Variants in TMOD3 observed in about 807,000 individuals in gnomAD.
TMOD3 encodes tropomodulin-3.
Under a neutral mutation model 39.2 loss-of-function variants are expected in TMOD3, and 20 were observed. The observed-to-expected ratio is 0.51, with a 90% confidence interval of 0.36 to 0.74. The LOEUF is 0.74. TMOD3 is among the 30% of genes least tolerant of loss of function. The pLI is 0.00. For missense variants in TMOD3, 381 were observed against 412.8 expected, an observed-to-expected ratio of 0.92 and a Z score of 0.67; for synonymous variants, 143 against 145.8, an observed-to-expected ratio of 0.98 and a Z score of 0.14.
intron 9 of TMOD3, 115 bp downstream of exon 9, chr15:51,902,151 T>G: frequency 1.6e-6 from 2 of 1,256,464 alleles, no homozygotes; most frequent in Non-Finnish European, 2.2e-6. Context: ...CCTTTGTTTC[T>G]AAAATCTGCA....
At chr15:51,865,946 CT>C (rs1012911447) in intron 2 of TMOD3, among the ~76,000 whole-genome samples, 139 of 151,968 alleles carry the variant, frequency 9.1e-4, no homozygotes, top group Middle Eastern at 3.4e-3. Context: ...CTAGGAAGAG[CT>C]TTTTTTCCCC....
At chr15:51,862,623 C>T (rs1005808058) in intron 1 of TMOD3, among the ~76,000 whole-genome samples, 188 bp from the exon 2 acceptor site, 4 of 151,496 alleles carry the variant, frequency 2.6e-5, no homozygotes, top group African/African-American at 9.7e-5. Flanking sequence ...CTCTTTTTTC[C>T]TGGTTGATTT....
At chr15:51,835,474 A>G (rs2056278025) in intron 1 of TMOD3, among the ~76,000 whole-genome samples, 1 of 152,060 alleles carries the variant, frequency 6.6e-6, no homozygotes, top group African/African-American at 2.4e-5. Context: ...ATAACTGGCT[A>G]ATTTTTGTAT....
chr15:51,836,984 G>A (rs2056287912), intron 1 of TMOD3, among the ~76,000 whole-genome samples: 1 of 151,984 alleles, frequency 6.6e-6, no homozygotes, highest in Non-Finnish European at 1.5e-5. Context: ...ATCATGATAA[G>A]TACATACAAG....
rs1394092583 is a variant in TMOD3, at chr15:51,915,459, A to T, written c.*6649A>T. ...AAATTACCTTTCTAACAATCATTTGAATGTCATTCATTGTCACATGAAATC... is the reference window on the plus strand; with the variant it reads ...AAATTACCTTTCTAACAATCATTTGTATGTCATTCATTGTCACATGAAATC... On this transcript the variant is annotated 3_prime_UTR_variant, in exon 10 of 10. Coordinates refer to ENST00000308580, the MANE Select transcript of TMOD3 (RefSeq NM_014547.5). 6.6e-6 allele frequency: 1 copy of T among 152,202 alleles called. No individual in the cohort carries two copies. The highest frequency in any genetic ancestry group is 1.5e-5 in the Non-Finnish European group (1 of 68,036). 9.4% of individuals were successfully genotyped at this position (152,202 alleles called of 1,614,324 possible). A position where few individuals can be genotyped will look rare whatever the true frequency, so the allele number is the denominator to read the frequency against.
chr15:51,870,671 A>T (rs1403077967), intron 3 of TMOD3, among the ~76,000 whole-genome samples: 1 of 152,054 alleles, frequency 6.6e-6, no homozygotes, highest in Non-Finnish European at 1.5e-5. Context: ...ACTTTTCTAA[A>T]ATTATCCATC....
At chr15:51,867,942 C>T (rs1017203867) in intron 2 of TMOD3, among the ~76,000 whole-genome samples, 5 of 152,166 alleles carry the variant, frequency 3.3e-5, no homozygotes, top group African/African-American at 9.7e-5. Flanking sequence ...TCAGTCCATG[C>T]GCTCAAAAAG....
Position 51,896,515 on chromosome 15 carries a change from C to T in TMOD3, c.724C>T (p.Pro242Ser). The T allele has an allele frequency of 6.2e-7, 1 of 1,612,586 alleles. No individual in the cohort carries two copies. Among genetic ancestry groups the T allele is most frequent in the Admixed American group, 1.7e-5 (1 of 59,906 alleles). The change falls in exon 7 of 10, where the codon CCT becomes TCT. Residue 242 changes from proline (P) to serine (S), a missense_variant. Physicochemically the swap from Pro to Ser is moderately conservative, Grantham distance 74. Coordinates refer to ENST00000308580, the MANE Select transcript of TMOD3 (RefSeq NM_014547.5). ...FSLAATRSNDPVATAFAEMLK... is the reference protein window; with the variant it reads ...FSLAATRSNDSVATAFAEMLK... ...TCTTGCAGCCACCCGGAGCAATGAC[C>T]CTGTTGCTACTGTAAGTAAGCGACT...
Position 51,893,949 on chromosome 15 carries a change from A to G in TMOD3, c.627+4A>G, listed in dbSNP as rs372155776. 2.8e-5 allele frequency: 45 copies of G among 1,596,560 alleles called. No homozygotes were observed. The highest frequency in any genetic ancestry group is 3.6e-5 in the Non-Finnish European group (42 of 1,168,768). On this transcript the variant is annotated splice_donor_region_variant and intron_variant, in intron 6 of 9. Coordinates refer to ENST00000308580, the MANE Select transcript of TMOD3 (RefSeq NM_014547.5). The stretch of plus-strand genomic sequence containing the variant: ...AGTTAATTTGAATAATATAAAGGTA[A>G]GTGTGCTAATCAGAGTGGTTTTGTA...
chr15:51,876,602 C>T (rs1182406475), intron 3 of TMOD3, among the ~76,000 whole-genome samples: 2 of 151,928 alleles, frequency 1.3e-5, no homozygotes, highest in African/African-American at 4.8e-5. Context: ...GCTGGGACTA[C>T]AGGCACCTGC....
intron 1 of TMOD3, among the ~76,000 whole-genome samples, chr15:51,846,002 A>G (rs1481064337): frequency 6.6e-6 from 1 of 151,940 alleles, no homozygotes; most frequent in African/African-American, 2.4e-5. Context: ...AAGACTGAAG[A>G]TTTTTCCATT....
At chr15:51,863,608 A>G (rs757292392) in intron 2 of TMOD3, among the ~76,000 whole-genome samples, 1 of 152,250 alleles carries the variant, frequency 6.6e-6, no homozygotes, top group Non-Finnish European at 1.5e-5. Context: ...ATAGACACCC[A>G]TGACCCTTGA....
At chr15:51,900,073 A>C in intron 7 of TMOD3, 82 bp from the exon 8 acceptor site, 1 of 1,124,050 alleles carries the variant, frequency 8.9e-7, no homozygotes, top group East Asian at 2.6e-5. Flanking sequence ...GCAGTTAATT[A>C]ATGTATTTAT....
chr15:51,902,636 A>ATTTT, intron 9 of TMOD3, among the ~76,000 whole-genome samples: 1 of 114,898 alleles, frequency 8.7e-6, no homozygotes. Flanking sequence ...TGCCCAGCTA[A>ATTTT]TTTTTGTATT....
In TMOD3 at chr15:51,913,373, T is replaced by C. The variant is rs146215350; in HGVS notation, c.*4563T>C. 2 of 152,350 alleles carry C rather than the reference T, an allele frequency of 1.3e-5. No individual in the cohort carries two copies. Among genetic ancestry groups the C allele is most frequent in the African/African-American group, 2.4e-5 (1 of 41,586 alleles). The allele number at this position is 152,350 out of a possible 1,614,324, so 9.4% of individuals were successfully genotyped here. On this transcript the variant is annotated 3_prime_UTR_variant, in exon 10 of 10. Coordinates refer to ENST00000308580, the MANE Select transcript of TMOD3 (RefSeq NM_014547.5). ...ACATAGTGTTCAAAGGAAATGCTTATTGGAGCATTTAGAATTTCAGATTTT... is the reference window on the plus strand; with the variant it reads ...ACATAGTGTTCAAAGGAAATGCTTACTGGAGCATTTAGAATTTCAGATTTT...
At chr15:51,879,774 C>G (rs918524542) in intron 3 of TMOD3, among the ~76,000 whole-genome samples, 2 of 151,586 alleles carry the variant, frequency 1.3e-5, no homozygotes, top group Admixed American at 6.6e-5. Context: ...GGAACACTGA[C>G]AGAGATACTT....
At chr15:51,850,968 C>T (rs1166330065) in intron 1 of TMOD3, among the ~76,000 whole-genome samples, 1 of 152,168 alleles carries the variant, frequency 6.6e-6, no homozygotes, top group Non-Finnish European at 1.5e-5. Context: ...CTCTTGACCT[C>T]GTAATTCGCC....
intron 1 of TMOD3, chr15:51,859,844 A>G: frequency 5.7e-6 from 3 of 522,348 alleles, no homozygotes; most frequent in South Asian, 4.5e-5. Context: ...TGGCACAGCA[A>G]CAACTCAAGT....
intron 1 of TMOD3, among the ~76,000 whole-genome samples, chr15:51,841,081 T>G (rs996098160): frequency 5.3e-5 from 8 of 152,220 alleles, no homozygotes; most frequent in Non-Finnish European, 8.8e-5. Context: ...CTCTTAGCCT[T>G]TCTGAGCTTC....
Sources: allele counts gnomAD v4.1 joint callset (sites outside exome capture counted in the v4.1 genomes callset), GRCh38; gene constraint gnomAD v4.1.1; transcripts MANE v1.5; gene names NCBI Gene and HGNC (gene_info 2026-07-23, HGNC 2026-07-21).